The following SRD5A2 variants were observed in gnomAD, a reference collection of about 807,000 sequenced individuals.
The protein encoded by SRD5A2 is 3-oxo-5-alpha-steroid 4-dehydrogenase 2.
SRD5A2 carries 30 observed loss-of-function variants against 27.4 expected under a neutral mutation model. The observed-to-expected ratio is 1.10, with a 90% CI of 0.82 to 1.49. SRD5A2 has a LOEUF of 1.49. Ranked by LOEUF, SRD5A2 falls within the 40% of genes most tolerant of loss-of-function variation. SRD5A2 has a pLI of 0.00. For missense variants in SRD5A2, 348 were observed against 323.4 expected (o/e 1.08, Z -0.58); for synonymous variants, 141 against 133.6 (o/e 1.06, Z -0.38).
rs533332627 is a variant in SRD5A2 at position 31,559,731 on chromosome 2, T to G, written c.281+20889A>C. Among the ~76,000 whole-genome samples the G allele has an allele frequency of 9.8e-4, 149 of 152,264 alleles. 1 individual carries two copies. The highest frequency in any genetic ancestry group is 1.7e-3 in the Non-Finnish European group (113 of 68,014). On this transcript the variant is annotated intron_variant, in intron 1 of 4. Coordinates refer to ENST00000622030, the MANE Select transcript of SRD5A2 (RefSeq NM_000348.4). ...ACTAATGAAGTTAGCACCTAGACTCTATGTCAACAAGTCAGGTATGTTTGT... is the reference window on the plus strand; with the variant it reads ...ACTAATGAAGTTAGCACCTAGACTCGATGTCAACAAGTCAGGTATGTTTGT...
the SRD5A2 span, among the ~76,000 whole-genome samples, chr2:31,636,818 AATCCTATTTGATCAC>A: frequency 2.0e-5 from 3 of 152,150 alleles, no homozygotes; most frequent in Non-Finnish European, 4.4e-5. Context: ...CTCTGGAACA[AATCCTATTTGATCAC>A]GGTAAATGAT....
At chr2:31,648,022 G>A in the SRD5A2 span, among the ~76,000 whole-genome samples, 3 of 152,162 alleles carry the variant, frequency 2.0e-5, no homozygotes, top group Non-Finnish European at 4.4e-5. Flanking sequence ...GCCAAAGACT[G>A]TGTGCATGTT....
the SRD5A2 span, among the ~76,000 whole-genome samples, chr2:31,599,668 G>T: frequency 4.6e-5 from 7 of 151,970 alleles, no homozygotes; most frequent in Non-Finnish European, 8.8e-5. Flanking sequence ...AGTGTATTAA[G>T]AGGAAAGTTT....
chr2:31,615,088 C>T, the SRD5A2 span, among the ~76,000 whole-genome samples: 5 of 152,292 alleles, frequency 3.3e-5, no homozygotes, highest in South Asian at 8.3e-4. Context: ...AACTGTGAGT[C>T]TATTAAATTT....
At chr2:31,612,791 A>G in the SRD5A2 span, among the ~76,000 whole-genome samples, 2 of 152,196 alleles carry the variant, frequency 1.3e-5, no homozygotes, top group Non-Finnish European at 2.9e-5. Context: ...TGTAATCAAA[A>G]CAGCATGCTA....
chr2:31,541,907 G>C (rs540762442), intron 1 of SRD5A2, among the ~76,000 whole-genome samples: 1 of 152,192 alleles, frequency 6.6e-6, no homozygotes, highest in Admixed American at 6.5e-5. Context: ...CTAGCCAGAG[G>C]GGAATCACCC....
At position 31,523,472 on chromosome 2, in the gene SRD5A2, G is replaced by C. The variant is rs1292899775; in HGVS notation, c.*2724C>G. 1 of 221,690 alleles carries C rather than the reference G, an allele frequency of 4.5e-6. No individual in the cohort carries two copies. 13.7% of individuals were successfully genotyped at this position (221,690 alleles called of 1,614,324 possible). A position where few individuals can be genotyped will look rare whatever the true frequency, so the allele number is the denominator to read the frequency against. On this transcript the variant is annotated 3_prime_UTR_variant, in exon 5 of 5. Coordinates refer to ENST00000622030, the MANE Select transcript of SRD5A2 (RefSeq NM_000348.4). ...CTGACCAGCTCTGTACCAGCTGTGA[G>C]GAGGCCTTTTAACTCTGTGGGTCTC...
chr2:31,526,500 T>C (rs1214765929), intron 4 of SRD5A2, among the ~76,000 whole-genome samples: 1 of 152,202 alleles, frequency 6.6e-6, no homozygotes, highest in East Asian at 1.9e-4. Flanking sequence ...GGCTGTGCAA[T>C]ATTATGAATG....
At chr2:31,637,148 T>G in the SRD5A2 span, among the ~76,000 whole-genome samples, 1 of 152,094 alleles carries the variant, frequency 6.6e-6, no homozygotes, top group Admixed American at 6.6e-5. Context: ...TAGATCTCAT[T>G]ACTTGTAATT....
the SRD5A2 span, among the ~76,000 whole-genome samples, chr2:31,613,327 C>T: frequency 6.6e-6 from 1 of 151,802 alleles, no homozygotes; most frequent in Non-Finnish European, 1.5e-5. Context: ...GATAAAAAAG[C>T]AAAACCCAAC....
the SRD5A2 span, among the ~76,000 whole-genome samples, chr2:31,631,611 C>A: frequency 2.0e-5 from 3 of 152,094 alleles, no homozygotes; most frequent in Non-Finnish European, 4.4e-5. Flanking sequence ...TCTCAGATAA[C>A]CCTGATGGCT....
At chr2:31,548,967 C>T (rs1257713727) in intron 1 of SRD5A2, among the ~76,000 whole-genome samples, 1 of 151,696 alleles carries the variant, frequency 6.6e-6, no homozygotes, top group African/African-American at 2.4e-5. Flanking sequence ...GTGAAATAAG[C>T]CAGTCACGAG....
the SRD5A2 span, among the ~76,000 whole-genome samples, chr2:31,631,680 G>A: frequency 1.3e-5 from 2 of 152,144 alleles, no homozygotes. Context: ...GAGATATAAT[G>A]TTACTGCTAG....
At chr2:31,657,629 A>T in the SRD5A2 span, among the ~76,000 whole-genome samples, 1 of 152,128 alleles carries the variant, frequency 6.6e-6, no homozygotes, top group Middle Eastern at 3.2e-3. Flanking sequence ...AAAACTAATC[A>T]TATTATGACA....
chr2:31,546,375 G>A (rs534023639), intron 1 of SRD5A2, among the ~76,000 whole-genome samples: 21 of 152,102 alleles, frequency 1.4e-4, no homozygotes, highest in Admixed American at 3.9e-4. Flanking sequence ...TAAAGACAAA[G>A]ACATGCAATC....
At chr2:31,569,855 A>G (rs1258573230) in intron 1 of SRD5A2, among the ~76,000 whole-genome samples, 1 of 152,176 alleles carries the variant, frequency 6.6e-6, no homozygotes, top group African/African-American at 2.4e-5. Flanking sequence ...TAGATATCAC[A>G]TCAAAAGCCA....
At chr2:31,571,742 A>G (rs150617098) in intron 1 of SRD5A2, among the ~76,000 whole-genome samples, 2 of 152,332 alleles carry the variant, frequency 1.3e-5, no homozygotes, top group East Asian at 1.9e-4. Context: ...AACAAGATAT[A>G]TGTGGCCAAC....
the SRD5A2 span, among the ~76,000 whole-genome samples, chr2:31,616,913 A>T: frequency 4.6e-5 from 7 of 152,164 alleles, no homozygotes; most frequent in African/African-American, 1.7e-4. Flanking sequence ...CATAATTCCT[A>T]TGTGTTGTGG....
chr2:31,645,832 G>A, the SRD5A2 span, among the ~76,000 whole-genome samples: 18 of 152,264 alleles, frequency 1.2e-4, no homozygotes, highest in East Asian at 3.1e-3. Flanking sequence ...GTTTAGGTGT[G>A]TGTGTACGTG....
Sources: gnomAD v4.1 joint callset for allele counts (sites outside exome capture counted in the v4.1 genomes callset) on GRCh38, gnomAD v4.1.1 for gene constraint, MANE v1.5 for transcripts, NCBI Gene and HGNC (gene_info 2026-07-23, HGNC 2026-07-21) for gene names.